Variants in SERAC1 observed in about 807,000 individuals in gnomAD.
SERAC1 encodes serine active site containing 1.
SERAC1 carries 36 observed loss-of-function variants against 85.7 expected under a neutral mutation model. The ratio of observed to expected loss-of-function variants is 0.42; its 90% CI spans 0.32 to 0.55. SERAC1 has a LOEUF of 0.55. Among genes scored for constraint, SERAC1 ranks in the 20% least tolerant of loss-of-function variants. SERAC1 has a pLI of 0.11. For missense variants in SERAC1, 629 were observed against 796.2 expected (o/e 0.79, Z 2.53); for synonymous variants, 242 against 265.3 (o/e 0.91, Z 0.85).
rs116080253 is a variant in SERAC1, at chr6:158,123,979, T to C, written c.1016-3404A>G. Among the ~76,000 whole-genome samples the C allele has an allele frequency of 9.4e-3, 1,433 of 152,220 alleles. 23 individuals are homozygous for C. Among genetic ancestry groups the C allele is most frequent in the African/African-American group, 0.032 (1,333 of 41,506 alleles). Reference sequence around the variant, plus strand: ...TAGGTGAAGTGGTTTCAGGCAGTGATTAGGTTCAATGTATGACTTAGGAGT... The same window carrying C: ...TAGGTGAAGTGGTTTCAGGCAGTGACTAGGTTCAATGTATGACTTAGGAGT... On this transcript the variant is annotated intron_variant, in intron 10 of 16. Coordinates refer to ENST00000647468, the MANE Select transcript of SERAC1 (RefSeq NM_032861.4).
intron 5 of SERAC1, 67 bp downstream of exon 5, chr6:158,148,798 C>A: frequency 9.0e-7 from 1 of 1,116,866 alleles, no homozygotes; most frequent in South Asian, 1.5e-5. Context: ...AAAAAAGTAT[C>A]AGGTTGATCA....
At chr6:158,126,927 C>T (rs964603705) in intron 10 of SERAC1, among the ~76,000 whole-genome samples, 1 of 152,024 alleles carries the variant, frequency 6.6e-6, no homozygotes. Flanking sequence ...ATGGCACGTG[C>T]CTGTAGTCCC....
intron 16 of SERAC1, chr6:158,112,886 A>T (rs1475872024): frequency 6.7e-6 from 1 of 148,704 alleles, no homozygotes; most frequent in African/African-American, 2.5e-5. Flanking sequence ...GAAGAGAGTT[A>T]ATTAAGATCT....
At chr6:158,126,071 A>G (rs965555796) in intron 10 of SERAC1, among the ~76,000 whole-genome samples, 4 of 152,208 alleles carry the variant, frequency 2.6e-5, no homozygotes, top group Non-Finnish European at 5.9e-5. Flanking sequence ...CTTCCATCCC[A>G]CAACACACAT....
Position 158,138,426 on chromosome 6 carries a change from A to C in SERAC1, c.738+4630T>G, listed in dbSNP as rs754101959. Among the ~76,000 whole-genome samples, 109 of 76,960 alleles carry C rather than the reference A, an allele frequency of 1.4e-3. 1 individual carries two copies. Among genetic ancestry groups the C allele is most frequent in the Non-Finnish European group, 2.8e-3 (97 of 34,176 alleles). The allele number at this position is 76,960 out of a possible 152,430, so 50.5% of individuals were successfully genotyped here. A position where few individuals can be genotyped will look rare whatever the true frequency, so the allele number is the denominator to read the frequency against. ...CTCCAGCCTGGGTGACAAGAGGGAG[A>C]CTCTGTCTCAAAAAAAAAAAAAAAA... is the stretch of plus-strand genomic sequence containing the variant. On this transcript the variant is annotated intron_variant, in intron 8 of 16. Transcript: ENST00000647468.
rs1000468732 is a variant in SERAC1, at chr6:158,131,206, C to T, written c.739-720G>A. ...ACAAGTCAGTGACAAAAAATACCAACACTATTATAGAAATACAAGCACAGT... is the reference window on the plus strand; with the variant it reads ...ACAAGTCAGTGACAAAAAATACCAATACTATTATAGAAATACAAGCACAGT... On this transcript the variant is annotated intron_variant, in intron 8 of 16. Coordinates refer to ENST00000647468, the MANE Select transcript of SERAC1 (RefSeq NM_032861.4). Among the ~76,000 whole-genome samples the T allele has an allele frequency of 1.4e-4, 21 of 150,694 alleles. 1 individual carries two copies. The South Asian group carries it at 2.5e-3, about 18-fold the overall frequency.
chr6:158,111,635 A>G, intron 16 of SERAC1, 133 bp from the exon 17 acceptor site: 1 of 620,562 alleles, frequency 1.6e-6, no homozygotes. Flanking sequence ...AGATAAAGGA[A>G]CCTGAAGTTT....
chr6:158,165,094 A>G (rs538062684), intron 1 of SERAC1, among the ~76,000 whole-genome samples: 1 of 152,238 alleles, frequency 6.6e-6, no homozygotes, highest in South Asian at 2.1e-4. Context: ...TACATATTTA[A>G]GCCAGTATTA....
At chr6:158,163,897 T>C (rs1462448651) in intron 1 of SERAC1, among the ~76,000 whole-genome samples, 2 of 151,798 alleles carry the variant, frequency 1.3e-5, no homozygotes, top group Admixed American at 6.6e-5. Flanking sequence ...CCACCATACC[T>C]GGCTAATTTT....
chr6:158,131,069 CAT>C (rs906376584), intron 8 of SERAC1, among the ~76,000 whole-genome samples: 2 of 151,808 alleles, frequency 1.3e-5, no homozygotes, highest in African/African-American at 2.4e-5. Context: ...CATATTAAAA[CAT>C]AAATAAAAAC....
intron 3 of SERAC1, 21 bp downstream of exon 3, chr6:158,155,294 A>G: frequency 6.6e-7 from 1 of 1,509,458 alleles, no homozygotes; most frequent in Non-Finnish European, 9.2e-7. Context: ...GCCAATTAAT[A>G]TTCCACAGTT....
At chr6:158,121,681 G>T (rs1358324094) in intron 10 of SERAC1, among the ~76,000 whole-genome samples, 1 of 151,966 alleles carries the variant, frequency 6.6e-6, no homozygotes, top group African/African-American at 2.4e-5. Context: ...AACATCAGAA[G>T]ATTCCTCTTC....
At chr6:158,128,643 T>A (rs2128415271) in intron 9 of SERAC1, among the ~76,000 whole-genome samples, 1 of 152,290 alleles carries the variant, frequency 6.6e-6, no homozygotes, top group Non-Finnish European at 1.5e-5. Context: ...ATCTGCCACC[T>A]ATTCTCAGGA....
chr6:158,154,159 C>CAAAAAAA (rs3041474), intron 3 of SERAC1, among the ~76,000 whole-genome samples: 6 of 66,032 alleles, frequency 9.1e-5, no homozygotes, highest in Admixed American at 1.8e-4. Flanking sequence ...AACTCTGTCT[C>CAAAAAAA]AAAAAAAAAA....
At chr6:158,126,162 T>C (rs1350863035) in intron 10 of SERAC1, among the ~76,000 whole-genome samples, 2 of 152,188 alleles carry the variant, frequency 1.3e-5, no homozygotes, top group African/African-American at 4.8e-5. Flanking sequence ...TATCCAGCTC[T>C]TTCTAGTGAA....
chr6:158,155,221 C>G, intron 3 of SERAC1, 94 bp downstream of exon 3: 1 of 816,384 alleles, frequency 1.2e-6, no homozygotes, highest in East Asian at 2.5e-5. Context: ...AATCTATACC[C>G]TTTCAAGACC....
intron 1 of SERAC1, among the ~76,000 whole-genome samples, chr6:158,165,637 C>T (rs1785582200): frequency 6.6e-6 from 1 of 152,206 alleles, no homozygotes; most frequent in African/African-American, 2.4e-5. Context: ...CAAATCTTCT[C>T]CATCACTATC....
intron 2 of SERAC1, among the ~76,000 whole-genome samples, chr6:158,156,496 A>C (rs1404813309): frequency 6.6e-6 from 1 of 152,104 alleles, no homozygotes; most frequent in Non-Finnish European, 1.5e-5. Flanking sequence ...GGATTCAGCA[A>C]GCATCTTGTG....
chr6:158,161,869 T>A (rs1785495984), intron 1 of SERAC1: 1 of 152,188 alleles, frequency 6.6e-6, no homozygotes, highest in Non-Finnish European at 1.5e-5. Flanking sequence ...ACCTCTCTGG[T>A]CTGCCAAATT....
Sources: gnomAD v4.1 joint callset for allele counts (sites outside exome capture counted in the v4.1 genomes callset) on GRCh38, gnomAD v4.1.1 for gene constraint, MANE v1.5 for transcripts, NCBI Gene and HGNC (gene_info 2026-07-23, HGNC 2026-07-21) for gene names.